The following TUT7 variants were observed in gnomAD, a reference collection of about 807,000 sequenced individuals.
TUT7 encodes terminal uridylyl transferase 7, also known as terminal uridylyltransferase 7.
Under a neutral mutation model 165.9 loss-of-function variants are expected in TUT7, and 33 were observed. That is an observed-to-expected ratio of 0.20 (90% CI 0.15 to 0.27). TUT7 has a LOEUF of 0.27. Among genes scored for constraint, TUT7 ranks in the 10% least tolerant of loss-of-function variants. TUT7 has a pLI of 1.00. For synonymous variants in TUT7, 552 were observed against 608.1 expected, an observed-to-expected ratio of 0.91 and a Z score of 1.36; for missense variants, 1,338 against 1,762.3, an observed-to-expected ratio of 0.76 and a Z score of 4.31.
In TUT7 at chr9:86,352,879, A is replaced by G; in HGVS notation, c.321T>C (p.Thr107=). The change falls in exon 2 of 27, where the codon ACT becomes ACC. Residue 107 remains threonine, a synonymous_variant. Transcript: ENST00000375963. ...ATTCTCTCCAGTTGTCTGAATTACC[A>G]GTATGTTCATCAGACAGCCATCTCT... is the stretch of plus-strand genomic sequence containing the variant. ...QSKRWLSDEH[T]GNSDNWREFK... 6.2e-7 allele frequency: 1 copy of G among 1,614,204 alleles called. No individual in the cohort carries two copies. The highest frequency in any genetic ancestry group is 1.7e-5 in the Admixed American group (1 of 60,030).
At chr9:86,302,169 T>C (rs192738394) in intron 25 of TUT7, among the ~76,000 whole-genome samples, 58 of 152,224 alleles carry the variant, frequency 3.8e-4, no homozygotes, top group Non-Finnish European at 7.2e-4. Context: ...AATATTGCTG[T>C]ACAGTTAAAA....
intron 17 of TUT7, among the ~76,000 whole-genome samples, chr9:86,312,192 C>T (rs1267983752): frequency 2.7e-5 from 4 of 150,728 alleles, no homozygotes; most frequent in Admixed American, 6.6e-5. Context: ...TCTTCCCGGC[C>T]GCCATCCCAT....
At chr9:86,296,527 T>C (rs945930900) in intron 26 of TUT7, among the ~76,000 whole-genome samples, 23 of 152,214 alleles carry the variant, frequency 1.5e-4, no homozygotes, top group African/African-American at 5.3e-4. Context: ...AAGAACTATA[T>C]GCAACCTAGA....
chr9:86,310,653 G>T, intron 18 of TUT7, 53 bp downstream of exon 18: 2 of 946,168 alleles, frequency 2.1e-6, no homozygotes, highest in Non-Finnish European at 3.4e-6. Flanking sequence ...TTTGCAAGGT[G>T]AGACATTTGT....
At chr9:86,297,760 C>A (rs1474390094) in intron 26 of TUT7, among the ~76,000 whole-genome samples, 1 of 152,002 alleles carries the variant, frequency 6.6e-6, no homozygotes. Flanking sequence ...CAGATAATAT[C>A]ACTCCTTGGC....
intron 11 of TUT7, among the ~76,000 whole-genome samples, chr9:86,326,878 A>G (rs1375421843): frequency 6.6e-6 from 1 of 152,232 alleles, no homozygotes; most frequent in Admixed American, 6.5e-5. Context: ...ATAACATAAA[A>G]ATGTAAAAAT....
At chr9:86,350,859 G>A (rs915958523) in intron 2 of TUT7, among the ~76,000 whole-genome samples, 2 of 152,106 alleles carry the variant, frequency 1.3e-5, no homozygotes, top group Admixed American at 6.5e-5. Context: ...AGGGCCAGGC[G>A]CGGTAGTTCA....
At chr9:86,326,911 C>A (rs968482182) in intron 11 of TUT7, among the ~76,000 whole-genome samples, 2 of 152,206 alleles carry the variant, frequency 1.3e-5, no homozygotes, top group African/African-American at 4.8e-5. Flanking sequence ...GGATTTACAG[C>A]AATAGCTTTT....
chr9:86,351,544 T>C (rs1832303238), intron 2 of TUT7, among the ~76,000 whole-genome samples: 1 of 152,216 alleles, frequency 6.6e-6, no homozygotes, highest in African/African-American at 2.4e-5. Context: ...TAATAAGTGC[T>C]TGAGACTTTC....
intron 14 of TUT7, 37 bp downstream of exon 14, chr9:86,322,288 A>G (rs746540392): frequency 6.3e-7 from 1 of 1,577,822 alleles, no homozygotes; most frequent in African/African-American, 1.4e-5. Context: ...TGTCAATTTA[A>G]TATTTTGACA....
chr9:86,354,299 G>A lies in TUT7; in HGVS notation c.-60C>T, dbSNP rs1046889549. 2 of 152,734 alleles carry A rather than the reference G, an allele frequency of 1.3e-5. No homozygotes were observed. Among genetic ancestry groups the A allele is most frequent in the Non-Finnish European group, 2.9e-5 (2 of 68,150 alleles). The allele number at this position is 152,734 out of a possible 1,614,324, so 9.5% of individuals were successfully genotyped here. ...CGGGGCCAGGCCGGACAGCTACTCT[G>A]GAGTCCAGGAAACCAACTGGAGAAT... On this transcript the variant is annotated 5_prime_UTR_variant, in exon 1 of 27. Transcript: ENST00000375963.
intron 10 of TUT7, among the ~76,000 whole-genome samples, chr9:86,334,498 C>A (rs1034188024): frequency 6.6e-6 from 1 of 152,190 alleles, no homozygotes; most frequent in Non-Finnish European, 1.5e-5. Flanking sequence ...CCGCTCCTGG[C>A]CTTCTGCTCT....
intron 3 of TUT7, 92 bp from the exon 4 acceptor site, chr9:86,345,877 A>G: frequency 2.1e-6 from 2 of 947,966 alleles, no homozygotes; most frequent in South Asian, 1.5e-5. Flanking sequence ...TTCCCCTTCA[A>G]TTTCTTTTCT....
intron 16 of TUT7, among the ~76,000 whole-genome samples, chr9:86,318,075 T>C (rs1434832570): frequency 1.3e-5 from 2 of 152,296 alleles, no homozygotes; most frequent in East Asian, 3.9e-4. Context: ...ATAGAAAGAC[T>C]TGAAACTAAG....
intron 1 of TUT7, among the ~76,000 whole-genome samples, chr9:86,353,748 G>GTCA (rs1832503796): frequency 6.6e-6 from 1 of 152,080 alleles, no homozygotes; most frequent in Admixed American, 6.5e-5. Context: ...TGGACAGACC[G>GTCA]GCTTTGAGCG....
chr9:86,350,318 G>A (rs1588025942), intron 2 of TUT7, among the ~76,000 whole-genome samples: 2 of 152,282 alleles, frequency 1.3e-5, no homozygotes, highest in Non-Finnish European at 1.5e-5. Context: ...GCTACAGAGC[G>A]AGACTCCATC....
In TUT7 at chr9:86,317,123, G is replaced by A. The variant is rs796219355; in HGVS notation, c.3274+96C>T. On this transcript the variant is annotated intron_variant, in intron 17 of 26. Transcript: ENST00000375963. Reference sequence around the variant, plus strand: ...AGGGAGGGTTGAGGGGTGATGGGTGGGCCTGGAACAAATACCCCATGGATA... The same window carrying A: ...AGGGAGGGTTGAGGGGTGATGGGTGAGCCTGGAACAAATACCCCATGGATA... 70 of 1,035,198 alleles carry A rather than the reference G, an allele frequency of 6.8e-5. No individual in the cohort carries two copies. In the African/African-American group the frequency reaches 9.8e-4, roughly 15 times the overall value. 64.1% of individuals were successfully genotyped at this position (1,035,198 alleles called of 1,614,324 possible). A position where few individuals can be genotyped will look rare whatever the true frequency, so the allele number is the denominator to read the frequency against.
chr9:86,328,879 A>T (rs143977845), intron 10 of TUT7, among the ~76,000 whole-genome samples: 2 of 152,260 alleles, frequency 1.3e-5, no homozygotes, highest in East Asian at 3.9e-4. Flanking sequence ...AAGGGGTAAC[A>T]CTAGGACTTC....
rs775465513 is a variant in TUT7 at position 86,328,527 on chromosome 9, G to C, written c.1456-35C>G. On this transcript the variant is annotated intron_variant, in intron 10 of 26. Coordinates refer to ENST00000375963, the MANE Select transcript of TUT7 (RefSeq NM_024617.4). ...ATTAGACACATGCTAAAATAAGATA[G>C]AAATAATCTTATATCAAACACAGTC... 87 of 1,550,204 alleles carry C rather than the reference G, an allele frequency of 5.6e-5. No individual in the cohort carries two copies. In the East Asian group the frequency reaches 1.9e-3, roughly 34 times the overall value.
Sources: gnomAD v4.1 joint callset for allele counts (sites outside exome capture counted in the v4.1 genomes callset) on GRCh38, gnomAD v4.1.1 for gene constraint, MANE v1.5 for transcripts, NCBI Gene and HGNC (gene_info 2026-07-23, HGNC 2026-07-21) for gene names.